GCNT2: variants seen among roughly 807,000 people sequenced by gnomAD.
GCNT2 encodes the protein N-acetyllactosaminide beta-1,6-N-acetylglucosaminyl-transferase.
Under a neutral mutation model 34.2 loss-of-function variants are expected in GCNT2, and 34 were observed. The ratio of observed to expected loss-of-function variants is 1.00; its 90% confidence interval spans 0.76 to 1.32. GCNT2 has a LOEUF of 1.32. Ranked by LOEUF, GCNT2 falls within the 40% of genes most tolerant of loss-of-function variation. GCNT2 has a pLI of 0.00. For synonymous variants in GCNT2, 212 were observed against 188.0 expected, an observed-to-expected ratio of 1.13 and a Z score of -1.04; for missense variants, 584 against 489.4, an observed-to-expected ratio of 1.19 and a Z score of -1.82.
At chr6:10,582,461 A>ATATAT (rs1561816744) in intron 3 of GCNT2, among the ~76,000 whole-genome samples, 3 of 127,316 alleles carry the variant, frequency 2.4e-5, no homozygotes, top group African/African-American at 9.2e-5. Flanking sequence ...TATATATAAT[A>ATATAT]AATATAATAT....
intron 3 of GCNT2, among the ~76,000 whole-genome samples, chr6:10,551,857 A>C (rs1333248978): frequency 1.3e-5 from 2 of 151,794 alleles, no homozygotes. Flanking sequence ...TCCCAGGTTC[A>C]AGCGATTCTC....
chr6:10,578,979 A>C (rs1017379601), intron 3 of GCNT2, among the ~76,000 whole-genome samples: 4 of 152,206 alleles, frequency 2.6e-5, no homozygotes, highest in Non-Finnish European at 5.9e-5. Flanking sequence ...AGTTAAGCTT[A>C]TCTTCAGAAT....
chr6:10,614,761 C>A (rs931553197), intron 3 of GCNT2, among the ~76,000 whole-genome samples: 1 of 152,118 alleles, frequency 6.6e-6, no homozygotes, highest in African/African-American at 2.4e-5. Context: ...CCCGTCTGAT[C>A]CTCACAAAAC....
chr6:10,577,918 C>T (rs994404368), intron 3 of GCNT2, among the ~76,000 whole-genome samples: 4 of 152,144 alleles, frequency 2.6e-5, no homozygotes, highest in Admixed American at 2.0e-4. Context: ...TTAAAATCAG[C>T]GCTTTGCATA....
chr6:10,529,026 C>G lies in GCNT2; in HGVS notation c.115C>G (p.Leu39Val). The G allele has an allele frequency of 6.2e-7, 1 of 1,614,102 alleles. No individual in the cohort carries two copies. ...WENKRFLRAA[L>V]SNASLLAEAC... ...GAATAAACGTTTTCTGAGGGCAGCT[C>G]TGTCCAATGCTTCACTGTTAGCAGA... Residue 39 changes from leucine to valine, a missense_variant, in exon 3 of 5, where the codon CTG becomes GTG. Transcript: ENST00000495262.
At chr6:10,547,501 A>G (rs1762321536) in intron 3 of GCNT2, among the ~76,000 whole-genome samples, 1 of 152,202 alleles carries the variant, frequency 6.6e-6, no homozygotes, top group South Asian at 2.1e-4. Context: ...TCATGATTAA[A>G]TTTAGGTTAT....
intron 3 of GCNT2, among the ~76,000 whole-genome samples, chr6:10,603,274 TAG>T (rs569551565): frequency 6.6e-5 from 10 of 152,226 alleles, no homozygotes; most frequent in Non-Finnish European, 1.5e-4. Flanking sequence ...ATGTTCAATG[TAG>T]GTTAGTCAGC....
chr6:10,569,995 A>G (rs9379514), intron 3 of GCNT2, among the ~76,000 whole-genome samples: 97,423 of 149,622 alleles, frequency 0.65, 31,754 homozygotes, highest in Middle Eastern at 0.73. Context: ...TTCCTGACAG[A>G]GTTGCACTCT....
intron 1 of GCNT2, among the ~76,000 whole-genome samples, chr6:10,524,251 CTTT>C (rs77144347): frequency 9.1e-5 from 12 of 131,558 alleles, no homozygotes; most frequent in Admixed American, 1.5e-4. Context: ...TAATCCAGGG[CTTT>C]TTTTTTTTTT....
In GCNT2 at chr6:10,586,938, T is replaced by C. The variant is rs771774163; in HGVS notation, c.926-34413T>C. 12 of 1,514,698 alleles carry C rather than the reference T, an allele frequency of 7.9e-6. No homozygotes were observed. In the Admixed American group the frequency reaches 1.8e-4, roughly 23 times the overall value. The allele number at this position is 1,514,698 out of a possible 1,614,324, so 93.8% of individuals were successfully genotyped here. On this transcript the variant is annotated intron_variant, in intron 3 of 4. Coordinates refer to ENST00000495262, the MANE Select transcript of GCNT2 (RefSeq NM_145649.5). ...AGGTAGGTACTAATTTCCATTCTGA[T>C]TGATAGATTGAGTTTGCTAACATTC... is the stretch of plus-strand genomic sequence containing the variant.
intron 3 of GCNT2, among the ~76,000 whole-genome samples, chr6:10,613,501 A>G (rs757360170): frequency 5.3e-5 from 8 of 152,152 alleles, no homozygotes; most frequent in Non-Finnish European, 1.0e-4. Flanking sequence ...GACAAAGAAT[A>G]GTGATAGTGA....
intron 3 of GCNT2, among the ~76,000 whole-genome samples, chr6:10,549,335 T>A (rs941215319): frequency 7.2e-5 from 11 of 152,306 alleles, no homozygotes; most frequent in Admixed American, 4.6e-4. Flanking sequence ...CTTAGATATC[T>A]TTTGATGAAT....
At chr6:10,610,283 G>A (rs1039476819) in intron 3 of GCNT2, among the ~76,000 whole-genome samples, 5 of 152,226 alleles carry the variant, frequency 3.3e-5, no homozygotes, top group Non-Finnish European at 7.3e-5. Context: ...AATCGTGAAG[G>A]TGAAAGATTT....
intron 3 of GCNT2, among the ~76,000 whole-genome samples, chr6:10,611,531 A>G (rs1319203619): frequency 6.6e-6 from 1 of 151,612 alleles, no homozygotes; most frequent in Admixed American, 6.6e-5. Context: ...GGGTTTCACC[A>G]TGTTGGCCAG....
intron 3 of GCNT2, chr6:10,586,896 A>G: frequency 6.2e-7 from 1 of 1,613,208 alleles, no homozygotes; most frequent in Non-Finnish European, 8.5e-7. Flanking sequence ...TTTCTGGGTG[A>G]CACTTAATAG....
chr6:10,555,577 ACTT>A (rs536664730), intron 3 of GCNT2: 36 of 170,190 alleles, frequency 2.1e-4, no homozygotes, highest in African/African-American at 6.7e-4. Context: ...GTAGCTCACG[ACTT>A]CTTCTTTTGA....
chr6:10,609,373 T>C (rs1198093337), intron 3 of GCNT2, among the ~76,000 whole-genome samples: 1 of 152,100 alleles, frequency 6.6e-6, no homozygotes, highest in East Asian at 1.9e-4. Flanking sequence ...ATAAATCCAC[T>C]CCTGTGATAA....
At chr6:10,552,750 G>C (rs1762536876) in intron 3 of GCNT2, among the ~76,000 whole-genome samples, 1 of 152,176 alleles carries the variant, frequency 6.6e-6, no homozygotes, top group South Asian at 2.1e-4. Flanking sequence ...AAATGAATTG[G>C]ACTGCCAGCA....
intron 3 of GCNT2, among the ~76,000 whole-genome samples, chr6:10,600,275 A>G (rs909556533): frequency 6.6e-6 from 1 of 152,206 alleles, no homozygotes; most frequent in Non-Finnish European, 1.5e-5. Context: ...AAAAGAGTGC[A>G]TATCAATATT....
Sources: gnomAD v4.1 joint callset for allele counts (sites outside exome capture counted in the v4.1 genomes callset) on GRCh38, gnomAD v4.1.1 for gene constraint, MANE v1.5 for transcripts, NCBI Gene and HGNC (gene_info 2026-07-23, HGNC 2026-07-21) for gene names.